AKAP6: variants seen among roughly 807,000 people sequenced by gnomAD.
The protein encoded by AKAP6 is A-kinase anchoring protein 6.
AKAP6 carries 58 observed loss-of-function variants against 188.5 expected under a neutral mutation model. That is an observed-to-expected ratio of 0.31 (90% CI 0.25 to 0.38). The LOEUF (loss-of-function observed/expected upper bound fraction) is 0.38, where lower values mean the gene tolerates loss of function less well. Ranked by LOEUF, AKAP6 falls within the 10% of genes least tolerant of loss-of-function variation. The probability of loss-of-function intolerance (pLI) is 1.00; values close to 1 mark genes in which losing one functional copy is unlikely to be tolerated. For synonymous variants in AKAP6, 989 were observed against 998.6 expected, an observed-to-expected ratio of 0.99 and a Z score of 0.18; for missense variants, 2,710 against 2,740.0, an observed-to-expected ratio of 0.99 and a Z score of 0.24.
intron 4 of AKAP6, among the ~76,000 whole-genome samples, chr14:32,556,668 T>C (rs958956919): frequency 3.9e-5 from 6 of 152,208 alleles, no homozygotes; most frequent in African/African-American, 1.4e-4. Context: ...CACCTTATTA[T>C]ATGTATGATT....
chr14:32,604,186 T>C (rs1198294994), intron 7 of AKAP6, among the ~76,000 whole-genome samples: 1 of 152,134 alleles, frequency 6.6e-6, no homozygotes, highest in Non-Finnish European at 1.5e-5. Context: ...GTATTTCTAT[T>C]CTAGAGCATT....
chr14:32,771,564 T>A (rs28593045), intron 11 of AKAP6, among the ~76,000 whole-genome samples: 2,705 of 152,248 alleles, frequency 0.018, 78 homozygotes, highest in African/African-American at 0.062. Flanking sequence ...CCTAGCAACC[T>A]CAGATGTCCT....
chr14:32,749,603 A>G (rs1432442223), intron 11 of AKAP6, among the ~76,000 whole-genome samples: 3 of 152,202 alleles, frequency 2.0e-5, no homozygotes, highest in African/African-American at 7.2e-5. Context: ...CATACTGATA[A>G]CGTGAATATA....
intron 11 of AKAP6, among the ~76,000 whole-genome samples, chr14:32,768,091 T>C (rs895744382): frequency 6.6e-6 from 1 of 152,210 alleles, no homozygotes; most frequent in Non-Finnish European, 1.5e-5. Flanking sequence ...GCCCAATGAA[T>C]GCTTATTTGC....
At chr14:32,479,020 G>A (rs971249183) in intron 2 of AKAP6, among the ~76,000 whole-genome samples, 128 of 152,260 alleles carry the variant, frequency 8.4e-4, no homozygotes, top group Non-Finnish European at 3.8e-4. Context: ...AGGAATATAG[G>A]GAGAATGCTT....
intron 4 of AKAP6, among the ~76,000 whole-genome samples, chr14:32,569,244 A>G (rs953779682): frequency 2.6e-5 from 4 of 152,216 alleles, no homozygotes; most frequent in African/African-American, 9.6e-5. Context: ...TTTATCAGGA[A>G]TATTTTTATA....
chr14:32,345,980 C>T (rs1160912968), intron 1 of AKAP6, among the ~76,000 whole-genome samples: 1 of 152,180 alleles, frequency 6.6e-6, no homozygotes, highest in Admixed American at 6.5e-5. Flanking sequence ...TAATGTCTTA[C>T]ATATTTTACA....
chr14:32,711,818 C>T (rs1463515086), intron 9 of AKAP6, among the ~76,000 whole-genome samples: 1 of 151,942 alleles, frequency 6.6e-6, no homozygotes, highest in Non-Finnish European at 1.5e-5. Flanking sequence ...TGATAAAGCC[C>T]TGGAGAAGGA....
chr14:32,808,880 T>G (rs2034154305), intron 12 of AKAP6, among the ~76,000 whole-genome samples: 1 of 152,180 alleles, frequency 6.6e-6, no homozygotes, highest in Non-Finnish European at 1.5e-5. Context: ...TTTATTCTAT[T>G]TCTTTTGGCA....
At chr14:32,614,674 C>T (rs981381982) in intron 7 of AKAP6, among the ~76,000 whole-genome samples, 1 of 152,114 alleles carries the variant, frequency 6.6e-6, no homozygotes, top group African/African-American at 2.4e-5. Context: ...CTAACAGCAT[C>T]ACCTGTTTTG....
chr14:32,525,125 C>T (rs1332737667), intron 2 of AKAP6, among the ~76,000 whole-genome samples: 1 of 152,120 alleles, frequency 6.6e-6, no homozygotes, highest in Non-Finnish European at 1.5e-5. Flanking sequence ...AGTGAATGAA[C>T]TCAGATTTTG....
intron 4 of AKAP6, among the ~76,000 whole-genome samples, chr14:32,564,175 A>G (rs1336434578): frequency 6.6e-6 from 1 of 152,210 alleles, no homozygotes; most frequent in African/African-American, 2.4e-5. Flanking sequence ...GAGAATAATG[A>G]CAAGAAGAAA....
At chr14:32,715,446 C>CA (rs5807676) in intron 9 of AKAP6, among the ~76,000 whole-genome samples, 27,310 of 151,482 alleles carry the variant, frequency 0.18, 2,765 homozygotes, top group Non-Finnish European at 0.24. Context: ...CTTAGAAAAG[C>CA]AAAACGAAAA....
At chr14:32,552,032 G>T (rs1302578028) in intron 4 of AKAP6, among the ~76,000 whole-genome samples, 1 of 152,100 alleles carries the variant, frequency 6.6e-6, no homozygotes, top group Non-Finnish European at 1.5e-5. Flanking sequence ...GTCTCCCTCT[G>T]TTAGAATGGG....
At chr14:32,560,459 C>T (rs546380318) in intron 4 of AKAP6, among the ~76,000 whole-genome samples, 3 of 152,226 alleles carry the variant, frequency 2.0e-5, no homozygotes, top group Admixed American at 1.3e-4. Context: ...TTAGCACCAC[C>T]GTGAGGCTGT....
chr14:32,365,368 C>T (rs749530774), intron 1 of AKAP6, among the ~76,000 whole-genome samples: 1 of 144,654 alleles, frequency 6.9e-6, no homozygotes, highest in Non-Finnish European at 1.5e-5. Flanking sequence ...CCCTTTTGTA[C>T]AGCATTGGCA....
At chr14:32,723,750 T>C (rs955238255) in intron 9 of AKAP6, among the ~76,000 whole-genome samples, 6 of 152,192 alleles carry the variant, frequency 3.9e-5, no homozygotes, top group African/African-American at 1.4e-4. Context: ...TGCTTATCTC[T>C]TACTGATATT....
intron 9 of AKAP6, among the ~76,000 whole-genome samples, chr14:32,723,866 A>T (rs1158026640): frequency 1.3e-5 from 2 of 152,186 alleles, no homozygotes; most frequent in African/African-American, 4.8e-5. Flanking sequence ...AAGAGGATTT[A>T]TCCTTGCCCT....
intron 5 of AKAP6, among the ~76,000 whole-genome samples, chr14:32,583,946 C>T (rs941977912): frequency 4.6e-5 from 7 of 152,226 alleles, no homozygotes; most frequent in Non-Finnish European, 8.8e-5. Flanking sequence ...GGCAATGCCT[C>T]GCCCTGCTTT....
Sources: allele counts gnomAD v4.1 joint callset (sites outside exome capture counted in the v4.1 genomes callset), GRCh38; gene constraint gnomAD v4.1.1; transcripts MANE v1.5; gene names NCBI Gene and HGNC (gene_info 2026-07-23, HGNC 2026-07-21).